The following PATL1 variants were observed in gnomAD, a reference collection of about 807,000 sequenced individuals.
The protein encoded by PATL1 is PAT1 homolog 1, processing body mRNA decay factor.
In PATL1, 32 loss-of-function variants were observed where a neutral mutation model predicts 100.6. The ratio of observed to expected loss-of-function variants is 0.32; its 90% CI spans 0.24 to 0.43. PATL1 has a LOEUF of 0.43. PATL1 is among the 20% of genes least tolerant of loss of function. The pLI is 1.00. For missense variants in PATL1, 747 were observed against 949.9 expected, an observed-to-expected ratio of 0.79 and a Z score of 2.81; for synonymous variants, 332 against 330.0, an observed-to-expected ratio of 1.01 and a Z score of -0.07.
At chr11:59,655,885 AG>A in intron 7 of PATL1, 70 bp downstream of exon 7, 1 of 1,363,726 alleles carries the variant, frequency 7.3e-7, no homozygotes. Context: ...CAGCAAAAAA[AG>A]GGGCTATTAT....
chr11:59,657,062 A>G, intron 5 of PATL1: 1 of 983,660 alleles, frequency 1.0e-6, no homozygotes, highest in South Asian at 4.7e-5. Context: ...CCATACCAAC[A>G]CCACCCTCCC....
At position 59,651,656 on chromosome 11, in the gene PATL1, A is replaced by C. The variant is rs1861445003; in HGVS notation, c.1427-15T>G. ...CTCAAATTGCACTGCAAAGACAAAA[A>C]AAAAAAAAATTCCAACAAAATAAAA... On this transcript the variant is annotated splice_polypyrimidine_tract_variant and intron_variant, in intron 11 of 18. Transcript: ENST00000300146. 3 of 1,546,264 alleles carry C rather than the reference A, an allele frequency of 1.9e-6. No individual in the cohort carries two copies. In the East Asian group the frequency reaches 6.8e-5, roughly 35 times the overall value.
intron 1 of PATL1, among the ~76,000 whole-genome samples, chr11:59,668,298 C>G (rs993326247): frequency 4.1e-4 from 62 of 152,302 alleles, no homozygotes; most frequent in African/African-American, 1.4e-3. Context: ...TCTCCAAACC[C>G]GCGTCTCCCA....
intron 2 of PATL1, among the ~76,000 whole-genome samples, chr11:59,659,791 C>T (rs1003520777): frequency 4.6e-5 from 7 of 152,120 alleles, no homozygotes; most frequent in Non-Finnish European, 8.8e-5. Context: ...CCACCCATCT[C>T]GGCCTCCCAA....
chr11:59,644,265 T>G (rs1303563720), intron 15 of PATL1, among the ~76,000 whole-genome samples: 1 of 152,142 alleles, frequency 6.6e-6, no homozygotes, highest in Non-Finnish European at 1.5e-5. Context: ...ATACATCAGT[T>G]TGTATTTCTA....
At chr11:59,655,225 G>C (rs960143146) in intron 8 of PATL1, among the ~76,000 whole-genome samples, 1 of 152,184 alleles carries the variant, frequency 6.6e-6, no homozygotes, top group Non-Finnish European at 1.5e-5. Context: ...ACTGAAACAG[G>C]AACTTGAACC....
intron 2 of PATL1, among the ~76,000 whole-genome samples, chr11:59,662,907 A>C (rs976439741): frequency 1.3e-5 from 2 of 152,176 alleles, no homozygotes; most frequent in African/African-American, 4.8e-5. Context: ...TTCTGTGAGA[A>C]TAGATCTCTG....
At position 59,650,781 on chromosome 11, in the gene PATL1, C is replaced by T. The variant is rs572252480; in HGVS notation, c.1557G>A (p.Arg519=). The T allele has an allele frequency of 1.3e-6, 2 of 1,557,718 alleles. No individual in the cohort carries two copies. Among genetic ancestry groups the T allele is most frequent in the East Asian group, 4.7e-5 (2 of 42,988 alleles). The change falls in exon 13 of 19, where the codon AGG becomes AGA. Residue 519 remains arginine, a synonymous_variant. Coordinates refer to ENST00000300146, the MANE Select transcript of PATL1 (RefSeq NM_152716.3). ...TCTCAATTATAACAAGGGTTTTTCT[C>T]CTCTTGTCTCGAACTTGTTTTTCTT... ...ETKEKQVRDK[R]RKTLVIIEKT... is the part of the protein sequence containing the mutation.
rs763673758 is a variant in PATL1 at position 59,653,988 on chromosome 11, A to G, written c.1116T>C (p.Asn372=). ...GGAATCGGATGAGTACTTACCTTCTATTCTGTTGCTGTCTCTGATGCAAGA... is the reference window on the plus strand; with the variant it reads ...GGAATCGGATGAGTACTTACCTTCTGTTCTGTTGCTGTCTCTGATGCAAGA... ...RRLLHQRQQQ[N]RSQHRNLNGA... The change falls in exon 9 of 19, where the codon AAT becomes AAC. Residue 372 remains asparagine (N), a synonymous_variant. Coordinates refer to ENST00000300146, the MANE Select transcript of PATL1 (RefSeq NM_152716.3). The G allele has an allele frequency of 1.3e-4, 216 of 1,610,298 alleles. No individual in the cohort carries two copies. The highest frequency in any genetic ancestry group is 3.4e-4 in the South Asian group (31 of 91,006).
At chr11:59,638,644 TCA>T in intron 18 of PATL1, among the ~76,000 whole-genome samples, 1 of 152,192 alleles carries the variant, frequency 6.6e-6, no homozygotes, top group Non-Finnish European at 1.5e-5. Flanking sequence ...TCCACCAAAT[TCA>T]GTTTTATTCC....
chr11:59,663,895 T>C (rs1861656362), intron 2 of PATL1, among the ~76,000 whole-genome samples: 2 of 152,288 alleles, frequency 1.3e-5, no homozygotes, highest in South Asian at 4.1e-4. Context: ...CTATACCAGC[T>C]TTATATCAAC....
At position 59,668,830 on chromosome 11, in the gene PATL1, G is replaced by A. The variant is rs1232997066; in HGVS notation, c.15+51C>T. 7.1e-6 allele frequency: 8 copies of A among 1,122,690 alleles called. No individual in the cohort carries two copies. The African/African-American group carries it at 8.2e-5, about 11-fold the overall frequency. The allele number at this position is 1,122,690 out of a possible 1,614,324, so 69.5% of individuals were successfully genotyped here. ...ACCGGCGCGCGGAGAGAGAGTGAGGGAGAGGGGCGCGGGAGGGAGGGAGGG... is the reference window on the plus strand; with the variant it reads ...ACCGGCGCGCGGAGAGAGAGTGAGGAAGAGGGGCGCGGGAGGGAGGGAGGG... On this transcript the variant is annotated intron_variant, in intron 1 of 18. Coordinates refer to ENST00000300146, the MANE Select transcript of PATL1 (RefSeq NM_152716.3).
intron 2 of PATL1, among the ~76,000 whole-genome samples, chr11:59,666,008 C>T (rs1861683241): frequency 6.6e-6 from 1 of 152,048 alleles, no homozygotes; most frequent in Non-Finnish European, 1.5e-5. Context: ...TATCTATAGG[C>T]TGGGCGCGGT....
chr11:59,666,957 T>A lies in PATL1; in HGVS notation c.23A>T (p.Glu8Val), dbSNP rs1310694643. The change falls in exon 2 of 19, where the codon GAG becomes GTG. Residue 8 changes from glutamate to valine, a missense_variant. By Grantham distance (121) the Glu-to-Val change is moderately radical (BLOSUM62 -2). Around this residue, in one of 4 missense-constraint regions of PATL1, gnomAD observed 183 missense variants for 221.2 expected, o/e 0.83. Transcript: ENST00000300146. ...TTCATCTTCATCCAGAGGACAATCC[T>A]CCAAAGACTAAAAAAAAAGAAAAGA... MFRYESLEDCPLDEDEDA... is the reference protein window; with the variant it reads MFRYESLVDCPLDEDEDA... The A allele has an allele frequency of 6.5e-7, 1 of 1,542,374 alleles. No individual in the cohort carries two copies. The highest frequency in any genetic ancestry group is 1.4e-5 in the African/African-American group (1 of 72,458).
intron 14 of PATL1, 40 bp from the exon 15 acceptor site, chr11:59,647,953 A>G (rs762391446): frequency 6.4e-7 from 1 of 1,553,488 alleles, no homozygotes; most frequent in East Asian, 2.3e-5. Flanking sequence ...CAGCAAGAAC[A>G]ATTAAGAAAC....
chr11:59,639,010 C>A, intron 18 of PATL1, 38 bp downstream of exon 18: 1 of 1,601,816 alleles, frequency 6.2e-7, no homozygotes, highest in Non-Finnish European at 8.5e-7. Flanking sequence ...AAAGTCCCAA[C>A]TTTAGTGAGA....
intron 4 of PATL1, among the ~76,000 whole-genome samples, chr11:59,658,480 G>A (rs572114658): frequency 4.6e-5 from 7 of 152,114 alleles, no homozygotes; most frequent in African/African-American, 9.6e-5. Context: ...CCACCACCAC[G>A]CCTGGTTAAT....
intron 2 of PATL1, among the ~76,000 whole-genome samples, chr11:59,661,563 A>T (rs1342518561): frequency 6.6e-6 from 1 of 152,122 alleles, no homozygotes; most frequent in East Asian, 1.9e-4. Context: ...TACATCCTTT[A>T]TATGTTTTAT....
chr11:59,656,684 G>C (rs1397919626), intron 5 of PATL1, 84 bp from the exon 6 acceptor site: 32 of 1,206,166 alleles, frequency 2.7e-5, no homozygotes, highest in Non-Finnish European at 2.4e-5. Context: ...AGTACTGGTA[G>C]AGACACGAAC....
Sources: allele counts gnomAD v4.1 joint callset (sites outside exome capture counted in the v4.1 genomes callset), GRCh38; gene constraint gnomAD v4.1.1; regional missense constraint gnomAD v4.1.1; transcripts MANE v1.5; gene names NCBI Gene and HGNC (gene_info 2026-07-23, HGNC 2026-07-21).